The following KBTBD8 variants were observed in gnomAD, a reference collection of about 807,000 sequenced individuals.
KBTBD8 encodes kelch repeat and BTB domain-containing protein 8.
KBTBD8 carries 31 observed loss-of-function variants against 53.5 expected under a neutral mutation model. That is an observed-to-expected ratio of 0.58 (90% CI 0.44 to 0.78). The LOEUF (loss-of-function observed/expected upper bound fraction) is 0.78, where lower values mean the gene tolerates loss of function less well. KBTBD8 is among the 30% of genes least tolerant of loss of function. KBTBD8 has a pLI of 0.00. For synonymous variants in KBTBD8, 250 were observed against 247.3 expected, an observed-to-expected ratio of 1.01 and a Z score of -0.10; for missense variants, 642 against 735.8, an observed-to-expected ratio of 0.87 and a Z score of 1.48.
At position 67,004,057 on chromosome 3, in the gene KBTBD8, G is replaced by A; in HGVS notation, c.1090G>A (p.Asp364Asn). The A allele has an allele frequency of 1.2e-6, 2 of 1,614,158 alleles. No homozygotes were observed. Among genetic ancestry groups the A allele is most frequent in the Non-Finnish European group, 8.5e-7 (1 of 1,180,034 alleles). ...HKAENDFWMY[D>N]HSTNRWLSKP... is the part of the protein sequence containing the mutation. ...GGCAGAAAATGATTTCTGGATGTAT[G>A]ATCATTCCACCAATAGATGGCTATC... The change falls in exon 3 of 4, where the codon GAT becomes AAT. Residue 364 changes from aspartate (D) to asparagine (N), a missense_variant. By Grantham distance (23) the Asp-to-Asn change is conservative. Coordinates refer to ENST00000417314, the MANE Select transcript of KBTBD8 (RefSeq NM_032505.3).
At chr3:67,001,374 A>G (rs1056197692) in intron 2 of KBTBD8, among the ~76,000 whole-genome samples, 6 of 152,164 alleles carry the variant, frequency 3.9e-5, no homozygotes, top group Non-Finnish European at 8.8e-5. Flanking sequence ...TGAAATTTGT[A>G]TGATTATTAG....
In KBTBD8 at chr3:67,010,879, A is replaced by G. The variant is rs1397505043; in HGVS notation, c.*2494A>G. Reference sequence around the variant, plus strand: ...CCTATATATTTGTCACACATTGAAAACTGGACTGGGTATAACTATGTTATA... The same window carrying G: ...CCTATATATTTGTCACACATTGAAAGCTGGACTGGGTATAACTATGTTATA... On this transcript the variant is annotated 3_prime_UTR_variant, in exon 4 of 4. Coordinates refer to ENST00000417314, the MANE Select transcript of KBTBD8 (RefSeq NM_032505.3). 6.6e-6 allele frequency: 1 copy of G among 152,598 alleles called. No individual in the cohort carries two copies. Among genetic ancestry groups the G allele is most frequent in the Non-Finnish European group, 1.5e-5 (1 of 68,006 alleles). The allele number at this position is 152,598 out of a possible 1,614,324, so 9.5% of individuals were successfully genotyped here. A position where few individuals can be genotyped will look rare whatever the true frequency, so the allele number is the denominator to read the frequency against.
chr3:67,008,418 C>G lies in KBTBD8; in HGVS notation c.*33C>G. The G allele has an allele frequency of 7.0e-7, 1 of 1,422,556 alleles. No homozygotes were observed. Among genetic ancestry groups the G allele is most frequent in the South Asian group, 1.3e-5 (1 of 79,970 alleles). The allele number at this position is 1,422,556 out of a possible 1,614,324, so 88.1% of individuals were successfully genotyped here. On this transcript the variant is annotated 3_prime_UTR_variant, in exon 4 of 4. Transcript: ENST00000417314. ...GCAGGCCTTAGTGCATCACTGGCAT[C>G]TCATTCTTAGGAAACTTGTCTTTGA...
At chr3:66,998,516 A>G in intron 1 of KBTBD8, 145 bp downstream of exon 1, 1 of 588,192 alleles carries the variant, frequency 1.7e-6, no homozygotes, top group African/African-American at 2.0e-5. Context: ...AAGAGGGAGG[A>G]TGAATGGTGC....
chr3:67,007,832 C>A, intron 3 of KBTBD8, 90 bp from the exon 4 acceptor site: 1 of 669,576 alleles, frequency 1.5e-6, no homozygotes, highest in South Asian at 2.3e-5. Flanking sequence ...AAATTATGCC[C>A]TTTAATCTTT....
intron 3 of KBTBD8, 102 bp from the exon 4 acceptor site, chr3:67,007,820 G>A: frequency 1.6e-6 from 1 of 615,658 alleles, no homozygotes; most frequent in East Asian, 2.8e-5. Context: ...GAAATATATA[G>A]CAAATTATGC....
chr3:67,008,254 T>A lies in KBTBD8; in HGVS notation c.1675T>A (p.Tyr559Asn). 1.2e-6 allele frequency: 2 copies of A among 1,614,008 alleles called. No individual in the cohort carries two copies. The highest frequency in any genetic ancestry group is 1.7e-6 in the Non-Finnish European group (2 of 1,180,014). The change falls in exon 4 of 4, where the codon TAC becomes AAC. Residue 559 changes from tyrosine to asparagine, a missense_variant. By Grantham distance (143) the Tyr-to-Asn change is moderately radical (BLOSUM62 -2). Coordinates refer to ENST00000417314, the MANE Select transcript of KBTBD8 (RefSeq NM_032505.3). ...VFRTSRKNSL[Y>N]QYDDIADQWM... is the part of the protein sequence containing the mutation. ...CAGAACCAGCAGAAAAAATTCCCTT[T>A]ACCAATATGATGACATTGCTGACCA... is the stretch of plus-strand genomic sequence containing the variant.
rs1702040433 is a variant in KBTBD8, at chr3:67,003,891, T to A, written c.924T>A (p.Asp308Glu). 6.2e-7 allele frequency: 1 copy of A among 1,614,178 alleles called. No homozygotes were observed. Among genetic ancestry groups the A allele is most frequent in the Non-Finnish European group, 8.5e-7 (1 of 1,180,042 alleles). The change falls in exon 3 of 4, where the codon GAT (aspartate) becomes GAA (glutamate). Residue 308 changes from aspartate (D) to glutamate (E), a missense_variant. Transcript: ENST00000417314. ...AGAAGCAAACAGTGCCTTGTCTAGA[T>A]ATAGTCACAGGAAGGGTGTTTAAAC... The part of the protein sequence containing the change: ...SGKKQTVPCL[D>E]IVTGRVFKLC...
intron 3 of KBTBD8, among the ~76,000 whole-genome samples, chr3:67,006,406 A>T (rs534656328): frequency 5.9e-5 from 9 of 152,322 alleles, no homozygotes; most frequent in Non-Finnish European, 1.0e-4. Flanking sequence ...TCTTAATTGC[A>T]TATTATTAGC....
At chr3:67,001,970 T>C (rs938915389) in intron 2 of KBTBD8, among the ~76,000 whole-genome samples, 2 of 152,312 alleles carry the variant, frequency 1.3e-5, no homozygotes, top group African/African-American at 4.8e-5. Flanking sequence ...CAAATGATGT[T>C]TGCAAGTGAC....
In KBTBD8 at chr3:67,004,376, T is replaced by C. The variant is rs187654795; in HGVS notation, c.1342+67T>C. On this transcript the variant is annotated intron_variant, in intron 3 of 3. Transcript: ENST00000417314. ...CATCAAGTGGTGGTTTACTTAATTATACTGAAACAGTTGTGTTCCCGTTAA... is the reference window on the plus strand; with the variant it reads ...CATCAAGTGGTGGTTTACTTAATTACACTGAAACAGTTGTGTTCCCGTTAA... 5.5e-5 allele frequency: 79 copies of C among 1,441,994 alleles called. No homozygotes were observed. In the East Asian group the frequency reaches 1.8e-3, roughly 32 times the overall value. The allele number at this position is 1,441,994 out of a possible 1,614,324, so 89.3% of individuals were successfully genotyped here. A position where few individuals can be genotyped will look rare whatever the true frequency, so the allele number is the denominator to read the frequency against.
chr3:67,005,678 TTC>T (rs1215685660), intron 3 of KBTBD8, among the ~76,000 whole-genome samples: 7 of 151,670 alleles, frequency 4.6e-5, no homozygotes, highest in Non-Finnish European at 8.8e-5. Flanking sequence ...ATTTCTTTCT[TTC>T]TCTTTTTTTT....
chr3:67,003,890 A>G lies in KBTBD8; in HGVS notation c.923A>G (p.Asp308Gly), dbSNP rs1400697769. ...AAGAAGCAAACAGTGCCTTGTCTAGATATAGTCACAGGAAGGGTGTTTAAA... is the reference window on the plus strand; with the variant it reads ...AAGAAGCAAACAGTGCCTTGTCTAGGTATAGTCACAGGAAGGGTGTTTAAA... ...SGKKQTVPCL[D>G]IVTGRVFKLC... Residue 308 changes from aspartate (D) to glycine (G), a missense_variant, in exon 3 of 4, where the codon GAT (aspartate) becomes GGT (glycine). Asp to Gly is a moderately conservative substitution (Grantham distance 94, BLOSUM62 -1). Transcript: ENST00000417314. 7 of 1,614,074 alleles carry G rather than the reference A, an allele frequency of 4.3e-6. No individual in the cohort carries two copies. Among genetic ancestry groups the G allele is most frequent in the Non-Finnish European group, 5.9e-6 (7 of 1,180,052 alleles).
At chr3:66,999,765 C>T (rs2106754485) in intron 2 of KBTBD8, among the ~76,000 whole-genome samples, 1 of 152,272 alleles carries the variant, frequency 6.6e-6, no homozygotes, top group East Asian at 1.9e-4. Flanking sequence ...CAAATTACCA[C>T]TCAATAGATT....
In KBTBD8 at chr3:67,004,246, A is replaced by G; in HGVS notation, c.1279A>G (p.Met427Val). The change falls in exon 3 of 4, where the codon ATG (methionine) becomes GTG (valine). Residue 427 changes from methionine to valine, a missense_variant. Transcript: ENST00000417314. The part of the protein sequence containing the change: ...RENCWTTVCA[M>V]PVAMEFHNAV... ...GAATTGTTGGACGACTGTTTGCGCG[A>G]TGCCAGTTGCAATGGAATTTCATAA... is the stretch of plus-strand genomic sequence containing the variant. 1 of 1,614,204 alleles carries G rather than the reference A, an allele frequency of 6.2e-7. No homozygotes were observed. Among genetic ancestry groups the G allele is most frequent in the Non-Finnish European group, 8.5e-7 (1 of 1,180,016 alleles).
Position 67,008,505 on chromosome 3 carries a change from A to G in KBTBD8, c.*120A>G. ...AGAGTTTTATACATGGAAAATGGGT[A>G]TGCTTAAAGATTGCAGGGTAGGGAG... On this transcript the variant is annotated 3_prime_UTR_variant, in exon 4 of 4. Coordinates refer to ENST00000417314, the MANE Select transcript of KBTBD8 (RefSeq NM_032505.3). 1.5e-6 allele frequency: 1 copy of G among 652,618 alleles called. No homozygotes were observed. The highest frequency in any genetic ancestry group is 2.5e-6 in the Non-Finnish European group (1 of 393,410). 40.4% of individuals were successfully genotyped at this position (652,618 alleles called of 1,614,324 possible).
At chr3:67,001,267 G>A (rs1397955984) in intron 2 of KBTBD8, among the ~76,000 whole-genome samples, 3 of 152,108 alleles carry the variant, frequency 2.0e-5, no homozygotes, top group Non-Finnish European at 2.9e-5. Flanking sequence ...GTAGAAAATC[G>A]TACTTAATGT....
intron 3 of KBTBD8, among the ~76,000 whole-genome samples, chr3:67,007,602 A>C (rs1411165479): frequency 6.6e-6 from 1 of 152,140 alleles, no homozygotes; most frequent in African/African-American, 2.4e-5. Flanking sequence ...TACAGGCGTG[A>C]GCCACTGTGC....
At position 67,010,764 on chromosome 3, in the gene KBTBD8, TG is replaced by T. The variant is rs35498666; in HGVS notation, c.*2382del. ...GTAAGACCTTAAGTAAAAGGCACAA[TG>T]GGTACTACAGAATTAAAATGTAGGT... On this transcript the variant is annotated 3_prime_UTR_variant, in exon 4 of 4. Coordinates refer to ENST00000417314, the MANE Select transcript of KBTBD8 (RefSeq NM_032505.3). 0.29 allele frequency: 44,279 copies of T among 152,524 alleles called. 7,624 individuals carry two copies. Among genetic ancestry groups the T allele is most frequent in the South Asian group, 0.51 (2,462 of 4,824 alleles). The allele number at this position is 152,524 out of a possible 1,614,324, so 9.4% of individuals were successfully genotyped here.
Sources: allele counts gnomAD v4.1 joint callset (sites outside exome capture counted in the v4.1 genomes callset), GRCh38; gene constraint gnomAD v4.1.1; transcripts MANE v1.5; gene names NCBI Gene and HGNC (gene_info 2026-07-23, HGNC 2026-07-21).